Variants in BMPR1B observed in about 807,000 individuals in gnomAD.
The protein encoded by BMPR1B is bone morphogenetic protein receptor type-1B.
A neutral mutation model predicts 59.1 loss-of-function variants in BMPR1B; 12 were observed. The observed-to-expected ratio is 0.20, with a 90% CI of 0.13 to 0.33. The LOEUF (loss-of-function observed/expected upper bound fraction) is 0.33. BMPR1B is among the 10% of genes least tolerant of loss of function. The pLI, the probability that BMPR1B is intolerant of heterozygous loss-of-function variation, is 1.00. For missense variants in BMPR1B, 550 were observed against 610.9 expected (o/e 0.90, Z 1.05); for synonymous variants, 237 against 207.3 (o/e 1.14, Z -1.23).
At chr4:94,816,186 A>C (rs920580908) in intron 1 of BMPR1B, among the ~76,000 whole-genome samples, 9 of 152,242 alleles carry the variant, frequency 5.9e-5, no homozygotes, top group African/African-American at 2.2e-4. Flanking sequence ...TTGCTGTGTC[A>C]ACTAGGCTGG....
At chr4:94,820,643 A>T (rs866697224) in intron 1 of BMPR1B, among the ~76,000 whole-genome samples, 13 of 152,384 alleles carry the variant, frequency 8.5e-5, no homozygotes, top group African/African-American at 2.6e-4. Flanking sequence ...ATACGAATTT[A>T]TTCAAAGAGC....
chr4:94,925,946 A>T (rs1328884980), intron 2 of BMPR1B, among the ~76,000 whole-genome samples: 3 of 151,782 alleles, frequency 2.0e-5, no homozygotes, highest in African/African-American at 7.3e-5. Context: ...CCTGCAAGGC[A>T]CACATTTCTC....
At chr4:95,045,746 G>A (rs147431075) in intron 3 of BMPR1B, among the ~76,000 whole-genome samples, 1,758 of 152,254 alleles carry the variant, frequency 0.012, 16 homozygotes, top group Non-Finnish European at 0.019. Context: ...GTCATTACTG[G>A]ATTGTATGTT....
At chr4:95,118,317 C>CT (rs533800761) in intron 6 of BMPR1B, among the ~76,000 whole-genome samples, 141 of 145,220 alleles carry the variant, frequency 9.7e-4, no homozygotes, top group East Asian at 4.0e-3. Flanking sequence ...AGAGCTGCTG[C>CT]TTTTTTTTTT....
intron 2 of BMPR1B, among the ~76,000 whole-genome samples, chr4:94,957,615 T>G (rs1050669371): frequency 6.6e-6 from 1 of 152,072 alleles, no homozygotes; most frequent in South Asian, 2.1e-4. Context: ...ACTGTTCCTT[T>G]AGCTCCTCAC....
At chr4:94,862,035 A>G (rs1036682190) in intron 1 of BMPR1B, among the ~76,000 whole-genome samples, 3 of 151,394 alleles carry the variant, frequency 2.0e-5, no homozygotes, top group Non-Finnish European at 4.5e-5. Flanking sequence ...CTAACAGTAC[A>G]TAGTGCTTAC....
intron 3 of BMPR1B, among the ~76,000 whole-genome samples, chr4:95,086,206 C>A (rs1204679444): frequency 1.3e-5 from 2 of 152,080 alleles, no homozygotes; most frequent in African/African-American, 4.8e-5. Context: ...AGCAAGAATC[C>A]TTTCTTGTCC....
chr4:94,794,715 T>C (rs1723119891), intron 1 of BMPR1B, among the ~76,000 whole-genome samples: 1 of 152,008 alleles, frequency 6.6e-6, no homozygotes, highest in African/African-American at 2.4e-5. Context: ...TTTGTAGTTC[T>C]CCTTGAAGAG....
intron 2 of BMPR1B, among the ~76,000 whole-genome samples, chr4:94,926,291 G>T (rs1010501126): frequency 6.6e-6 from 1 of 151,810 alleles, no homozygotes; most frequent in Admixed American, 6.6e-5. Flanking sequence ...TATAGGTTTC[G>T]CAAATTTTGT....
At chr4:94,760,823 G>A (rs1238751068) in intron 1 of BMPR1B, among the ~76,000 whole-genome samples, 1 of 152,180 alleles carries the variant, frequency 6.6e-6, no homozygotes, top group African/African-American at 2.4e-5. Context: ...TAGGACGATT[G>A]GTTCTTTTCC....
In BMPR1B at chr4:94,968,816, A is replaced by G. The variant is rs1730661286; in HGVS notation, c.-112-27224A>G. ...TTCCCAAGGAATGTGGTCTTTTTGTATAATACTCATATGTAGGAAAAAGAT... is the reference window on the plus strand; with the variant it reads ...TTCCCAAGGAATGTGGTCTTTTTGTGTAATACTCATATGTAGGAAAAAGAT... On this transcript the variant is annotated intron_variant, in intron 2 of 12. Coordinates refer to ENST00000515059, the MANE Select transcript of BMPR1B (RefSeq NM_001203.3). 1.3e-5 allele frequency among the ~76,000 whole-genome samples: 2 copies of G among 152,078 alleles called. 1 individual carries two copies. The highest frequency in any genetic ancestry group is 4.1e-4 in the South Asian group (2 of 4,834).
intron 6 of BMPR1B, among the ~76,000 whole-genome samples, chr4:95,120,172 A>G (rs866343703): frequency 3.0e-4 from 45 of 152,156 alleles, no homozygotes; most frequent in African/African-American, 1.1e-3. Context: ...CTCCAGCTCC[A>G]TCCATGTTGC....
At chr4:94,931,647 G>T (rs1007676890) in intron 2 of BMPR1B, among the ~76,000 whole-genome samples, 1 of 152,018 alleles carries the variant, frequency 6.6e-6, no homozygotes, top group Non-Finnish European at 1.5e-5. Context: ...CATATTTAGA[G>T]TGAAAATACT....
At chr4:95,022,108 G>A (rs750412998) in intron 3 of BMPR1B, among the ~76,000 whole-genome samples, 9 of 152,268 alleles carry the variant, frequency 5.9e-5, no homozygotes, top group Non-Finnish European at 8.8e-5. Flanking sequence ...GGCTTTGTCC[G>A]CAGAAACAAG....
chr4:95,061,544 A>G (rs1489046690), intron 3 of BMPR1B, among the ~76,000 whole-genome samples: 1 of 152,194 alleles, frequency 6.6e-6, no homozygotes, highest in Admixed American at 6.5e-5. Context: ...AAAAGCACCT[A>G]CATTTGAAAA....
intron 1 of BMPR1B, among the ~76,000 whole-genome samples, chr4:94,770,068 G>T (rs1293215766): frequency 6.6e-6 from 1 of 151,984 alleles, no homozygotes; most frequent in Non-Finnish European, 1.5e-5. Flanking sequence ...TTTCCTTGCA[G>T]CCCTCACCTG....
At chr4:94,925,579 C>G (rs1003562351) in intron 2 of BMPR1B, among the ~76,000 whole-genome samples, 3 of 152,032 alleles carry the variant, frequency 2.0e-5, no homozygotes, top group African/African-American at 7.2e-5. Context: ...ACAGATGAGC[C>G]CAAGTCTTTC....
chr4:95,113,253 A>T (rs1305672178), intron 4 of BMPR1B, among the ~76,000 whole-genome samples: 1 of 152,150 alleles, frequency 6.6e-6, no homozygotes, highest in African/African-American at 2.4e-5. Flanking sequence ...TTCCACAACA[A>T]TATTCATGCT....
intron 3 of BMPR1B, among the ~76,000 whole-genome samples, chr4:95,043,943 T>G (rs962760198): frequency 1.7e-4 from 26 of 152,246 alleles, no homozygotes; most frequent in South Asian, 4.1e-4. Context: ...TTCAGTTTAT[T>G]TAGCTATGCT....
Sources: allele counts gnomAD v4.1 joint callset (sites outside exome capture counted in the v4.1 genomes callset), GRCh38; gene constraint gnomAD v4.1.1; transcripts MANE v1.5; gene names NCBI Gene and HGNC (gene_info 2026-07-23, HGNC 2026-07-21).